The following STX16 variants were observed in gnomAD, a reference collection of about 807,000 sequenced individuals.
The protein encoded by STX16 is syntaxin-16.
In STX16, 28 loss-of-function variants were observed where a neutral mutation model predicts 42.7. The observed-to-expected ratio is 0.66, with a 90% confidence interval of 0.49 to 0.90. The LOEUF is 0.90. STX16 is among the 40% of genes least tolerant of loss of function. STX16 has a pLI of 0.00. For synonymous variants in STX16, 156 were observed against 155.2 expected (o/e 1.00, Z -0.04); for missense variants, 361 against 420.9 (o/e 0.86, Z 1.24).
intron 1 of STX16, among the ~76,000 whole-genome samples, chr20:58,658,141 C>T (rs2083620274): frequency 1.3e-5 from 2 of 152,254 alleles, no homozygotes; most frequent in South Asian, 4.2e-4. Context: ...AGCATAGGCA[C>T]ATGTGCAGCA....
intron 2 of STX16, among the ~76,000 whole-genome samples, chr20:58,666,462 CTT>C (rs1214791727): frequency 8.2e-6 from 1 of 122,346 alleles, no homozygotes; most frequent in African/African-American, 3.1e-5. Context: ...GAGTTTCGCT[CTT>C]GTTGCCCTGG....
At chr20:58,659,506 C>A in intron 1 of STX16, 117 bp from the exon 2 acceptor site, 1 of 1,011,498 alleles carries the variant, frequency 9.9e-7, no homozygotes, top group Non-Finnish European at 1.4e-6. Context: ...ATTTAGTCAG[C>A]TTAAAATCTC....
chr20:58,673,148 T>G (rs1014518210), intron 7 of STX16, among the ~76,000 whole-genome samples: 25 of 152,226 alleles, frequency 1.6e-4, no homozygotes, highest in African/African-American at 5.3e-4. Flanking sequence ...CATTTCCTGC[T>G]CTGACCCATA....
chr20:58,669,438 T>A lies in STX16; in HGVS notation c.541T>A (p.Ser181Thr), dbSNP rs1171482130. ...CTCCACCAGCTTCCGGCACGCACAGTCAGGCTACCTCAAACGTGAGTGCTG... is the reference window on the plus strand; with the variant it reads ...CTCCACCAGCTTCCGGCACGCACAGACAGGCTACCTCAAACGTGAGTGCTG... ...ELSTSFRHAQ[S>T]GYLKRMKNRE... The change falls in exon 5 of 9, where the codon TCA (serine) becomes ACA (threonine). Residue 181 changes from serine (S) to threonine (T), a missense_variant. Coordinates refer to ENST00000371141, the MANE Select transcript of STX16 (RefSeq NM_001001433.3). 6.2e-7 allele frequency: 1 copy of A among 1,610,416 alleles called. No individual in the cohort carries two copies. Among genetic ancestry groups the A allele is most frequent in the Middle Eastern group, 1.7e-4 (1 of 6,046 alleles).
Position 58,678,296 on chromosome 20 carries a change from G to A in STX16, c.*2005G>A, listed in dbSNP as rs1377420182. ...TATATTTATTTTCACCAAATAGGGT[G>A]ATGAGGGTTGGTTTTTGTTCCCTCA... On this transcript the variant is annotated 3_prime_UTR_variant, in exon 9 of 9. Transcript: ENST00000371141. 2 of 152,098 alleles carry A rather than the reference G, an allele frequency of 1.3e-5. No homozygotes were observed. Among genetic ancestry groups the A allele is most frequent in the Admixed American group, 6.6e-5 (1 of 15,262 alleles). The allele number at this position is 152,098 out of a possible 1,614,324, so 9.4% of individuals were successfully genotyped here.
At position 58,679,173 on chromosome 20, in the gene STX16, G is replaced by GT. The variant is rs1388737206; in HGVS notation, c.*2883dup. 3 of 152,368 alleles carry GT rather than the reference G, an allele frequency of 2.0e-5. No individual in the cohort carries two copies. Among genetic ancestry groups the GT allele is most frequent in the African/African-American group, 7.2e-5 (3 of 41,432 alleles). 9.4% of individuals were successfully genotyped at this position (152,368 alleles called of 1,614,324 possible). ...TGTTTTGTTCGTTTTGGGGGTGGTG[G>GT]TGCTGGCTGGGCCATGCTTGTGAAG... On this transcript the variant is annotated 3_prime_UTR_variant, in exon 9 of 9. Transcript: ENST00000371141.
Position 58,678,150 on chromosome 20 carries a change from G to A in STX16, c.*1859G>A, listed in dbSNP as rs2084180134. 1 of 152,162 alleles carries A rather than the reference G, an allele frequency of 6.6e-6. No homozygotes were observed. Among genetic ancestry groups the A allele is most frequent in the South Asian group, 2.1e-4 (1 of 4,828 alleles). 9.4% of individuals were successfully genotyped at this position (152,162 alleles called of 1,614,324 possible). A position where few individuals can be genotyped will look rare whatever the true frequency, so the allele number is the denominator to read the frequency against. ...TTAGGTGTGGGGCTGTCCACATTAG[G>A]GAACTTGCCTCAAAAACAGTCCACA... On this transcript the variant is annotated 3_prime_UTR_variant, in exon 9 of 9. Coordinates refer to ENST00000371141, the MANE Select transcript of STX16 (RefSeq NM_001001433.3).
rs903228278 is a variant in STX16 at position 58,676,336 on chromosome 20, G to A, written c.*45G>A. Reference sequence around the variant, plus strand: ...TGTGCCGCGCGTGTGGATCTCCCGGGTGTGAGGGGCTTGGCCTGCGCCCCG... The same window carrying A: ...TGTGCCGCGCGTGTGGATCTCCCGGATGTGAGGGGCTTGGCCTGCGCCCCG... On this transcript the variant is annotated 3_prime_UTR_variant, in exon 9 of 9. Transcript: ENST00000371141. The A allele has an allele frequency of 6.4e-6, 10 of 1,557,550 alleles. No individual in the cohort carries two copies. Among genetic ancestry groups the A allele is most frequent in the Non-Finnish European group, 6.2e-6 (7 of 1,128,820 alleles).
In STX16 at chr20:58,651,785, G is replaced by C; in HGVS notation, c.-222G>C. 1 of 526,992 alleles carries C rather than the reference G, an allele frequency of 1.9e-6. No individual in the cohort carries two copies. Among genetic ancestry groups the C allele is most frequent in the Non-Finnish European group, 3.4e-6 (1 of 291,786 alleles). 32.6% of individuals were successfully genotyped at this position (526,992 alleles called of 1,614,324 possible). On this transcript the variant is annotated 5_prime_UTR_variant, in exon 1 of 9. Coordinates refer to ENST00000371141, the MANE Select transcript of STX16 (RefSeq NM_001001433.3). ...GCTTAGAGATCGAAGTCTGCCCTGGGTAGGGGGAGTCAGACAATTGGAAAG... is the reference window on the plus strand; with the variant it reads ...GCTTAGAGATCGAAGTCTGCCCTGGCTAGGGGGAGTCAGACAATTGGAAAG...
chr20:58,667,776 T>C (rs959664878), intron 3 of STX16, among the ~76,000 whole-genome samples, 179 bp downstream of exon 3: 3 of 152,232 alleles, frequency 2.0e-5, no homozygotes, highest in Non-Finnish European at 4.4e-5. Context: ...AGTTTTAACA[T>C]TGGTAGTAAC....
In STX16 at chr20:58,667,530, T is replaced by A; in HGVS notation, c.185T>A (p.Leu62Ter). Residue 62 changes from leucine to a stop codon, truncating the protein, a stop_gained, in exon 3 of 9, where the codon TTA (leucine) becomes TAA (stop). Transcript: ENST00000371141. LOFTEE classifies it high-confidence loss of function. ...ATGGCACTGGTGTCAGGCATCAGCT[T>A]AGATCCAGAAGCAGCGATTGGTGTG... is the stretch of plus-strand genomic sequence containing the variant. ...DRMALVSGIS[L>*]DPEAAIGVTK... 6.2e-7 allele frequency: 1 copy of A among 1,614,202 alleles called. No individual in the cohort carries two copies. The highest frequency in any genetic ancestry group is 1.1e-5 in the South Asian group (1 of 91,082).
intron 3 of STX16, 129 bp from the exon 4 acceptor site, chr20:58,667,858 A>T: frequency 8.1e-7 from 1 of 1,237,332 alleles, no homozygotes; most frequent in Non-Finnish European, 1.1e-6. Flanking sequence ...AATTTGAATT[A>T]AAAGCTGCTC....
chr20:58,674,692 G>C (rs945057763), intron 8 of STX16, among the ~76,000 whole-genome samples: 4 of 152,178 alleles, frequency 2.6e-5, no homozygotes, highest in Non-Finnish European at 5.9e-5. Flanking sequence ...GCCTGTGGTG[G>C]GAAGAGAAGT....
chr20:58,665,786 C>T (rs6100156), intron 2 of STX16, among the ~76,000 whole-genome samples: 83,286 of 151,886 alleles, frequency 0.55, 23,495 homozygotes, highest in Middle Eastern at 0.62. Context: ...GGCTTAATCA[C>T]GGCTCCTGGA....
rs2123031141 is a variant in STX16 at position 58,676,195 on chromosome 20, G to A, written c.882G>A (p.Gln294=). ...CCCTCCTCTTTTTGTAGGCAGAACAGTATCAAAAGAAGAATCGGAAGATGC... is the reference window on the plus strand; with the variant it reads ...CCCTCCTCTTTTTGTAGGCAGAACAATATCAAAAGAAGAATCGGAAGATGC... The part of the protein sequence containing the change: ...DGLKQLHKAE[Q]YQKKNRKMLV... Residue 294 remains glutamine, a synonymous_variant, in exon 9 of 9, where the codon CAG becomes CAA. Coordinates refer to ENST00000371141, the MANE Select transcript of STX16 (RefSeq NM_001001433.3). The A allele has an allele frequency of 6.2e-7, 1 of 1,613,718 alleles. No homozygotes were observed. Among genetic ancestry groups the A allele is most frequent in the Non-Finnish European group, 8.5e-7 (1 of 1,179,622 alleles).
Position 58,666,025 on chromosome 20 carries a change from T to C in STX16, c.145-1465T>C, listed in dbSNP as rs986928333. Reference sequence around the variant, plus strand: ...GCCTATTACTTGAAGTGGTCTTTTATTCTAAGTTTTTCTTTATATGATATT... The same window carrying C: ...GCCTATTACTTGAAGTGGTCTTTTACTCTAAGTTTTTCTTTATATGATATT... On this transcript the variant is annotated intron_variant, in intron 2 of 8. Coordinates refer to ENST00000371141, the MANE Select transcript of STX16 (RefSeq NM_001001433.3). Among the ~76,000 whole-genome samples the C allele has an allele frequency of 2.6e-5, 4 of 152,228 alleles. No homozygotes were observed. In the South Asian group the frequency reaches 6.2e-4, roughly 24 times the overall value.
At chr20:58,670,153 A>C (rs909287479) in intron 5 of STX16, among the ~76,000 whole-genome samples, 5 of 152,230 alleles carry the variant, frequency 3.3e-5, no homozygotes, top group Non-Finnish European at 7.3e-5. Context: ...CATACTAGAG[A>C]TGCTTCTAGA....
chr20:58,666,557 T>G (rs1347075411), intron 2 of STX16, among the ~76,000 whole-genome samples: 1 of 151,726 alleles, frequency 6.6e-6, no homozygotes, highest in Non-Finnish European at 1.5e-5. Context: ...GCCTCCCGAG[T>G]AGCTGGGATT....
chr20:58,673,759 A>T (rs774340406), intron 8 of STX16, 48 bp downstream of exon 8: 5 of 1,379,856 alleles, frequency 3.6e-6, no homozygotes, highest in Non-Finnish European at 3.1e-6. Flanking sequence ...ATTTTCAAAT[A>T]ATCAAGAATT....
Sources: gnomAD v4.1 joint callset for allele counts (sites outside exome capture counted in the v4.1 genomes callset) on GRCh38, gnomAD v4.1.1 for gene constraint, MANE v1.5 for transcripts, NCBI Gene and HGNC (gene_info 2026-07-23, HGNC 2026-07-21) for gene names.